Variants in CACNA1C observed in about 807,000 individuals in gnomAD.
The protein encoded by CACNA1C is voltage-dependent L-type calcium channel subunit alpha-1C.
Under a neutral mutation model 229.0 loss-of-function variants are expected in CACNA1C, and 30 were observed. The ratio of observed to expected loss-of-function variants is 0.13; its 90% CI spans 0.10 to 0.18. CACNA1C has a LOEUF of 0.18. Ranked by LOEUF, CACNA1C falls within the 10% of genes least tolerant of loss-of-function variation. The probability of loss-of-function intolerance (pLI) is 1.00; values close to 1 mark genes in which losing one functional copy is unlikely to be tolerated. For missense variants in CACNA1C, 1,658 were observed against 2,845.0 expected, an observed-to-expected ratio of 0.58 and a Z score of 9.49; for synonymous variants, 1,114 against 1,132.5, an observed-to-expected ratio of 0.98 and a Z score of 0.33.
chr12:2,074,366 T>C (rs2062415892), intron 1 of CACNA1C, among the ~76,000 whole-genome samples: 1 of 152,196 alleles, frequency 6.6e-6, no homozygotes, highest in South Asian at 2.1e-4. Context: ...AAACATCTCA[T>C]GCATGTTGTC....
At chr12:2,320,390 G>A (rs933339939) in intron 3 of CACNA1C, among the ~76,000 whole-genome samples, 2 of 152,238 alleles carry the variant, frequency 1.3e-5, no homozygotes, top group Non-Finnish European at 2.9e-5. Context: ...AAAGTAAGCA[G>A]AACCCAAATA....
At chr12:2,550,900 C>T (rs990554175) in intron 10 of CACNA1C, among the ~76,000 whole-genome samples, 12 of 152,168 alleles carry the variant, frequency 7.9e-5, no homozygotes, top group African/African-American at 2.7e-4. Flanking sequence ...TTCCAGGGAG[C>T]GTGGAGCTTC....
chr12:1,991,516 T>C (rs1593215328), intron 1 of CACNA1C: 1 of 241,766 alleles, frequency 4.1e-6, no homozygotes, highest in East Asian at 1.1e-4. Context: ...TTTCAACATG[T>C]TAATATAAAA....
chr12:2,576,506 T>C (rs1025181626), intron 13 of CACNA1C, among the ~76,000 whole-genome samples: 1 of 152,232 alleles, frequency 6.6e-6, no homozygotes, highest in African/African-American at 2.4e-5. Context: ...TCCAAAGCTC[T>C]TGCCTTTTTG....
chr12:2,385,471 C>G (rs1303196309), intron 3 of CACNA1C, among the ~76,000 whole-genome samples: 1 of 152,206 alleles, frequency 6.6e-6, no homozygotes, highest in East Asian at 1.9e-4. Context: ...ACCTTATCCA[C>G]TTAGCACCCC....
At chr12:2,231,179 CA>C (rs2065005357) in intron 3 of CACNA1C, among the ~76,000 whole-genome samples, 1 of 152,174 alleles carries the variant, frequency 6.6e-6, no homozygotes, top group Non-Finnish European at 1.5e-5. Flanking sequence ...ATGTATATGT[CA>C]TCCCTCTTCC....
chr12:2,321,568 A>G (rs1252074164), intron 3 of CACNA1C, among the ~76,000 whole-genome samples: 3 of 152,172 alleles, frequency 2.0e-5, no homozygotes, highest in African/African-American at 4.8e-5. Context: ...TACAGCTTGC[A>G]TTTAGTGGCA....
chr12:2,311,340 T>C (rs2095427276), intron 3 of CACNA1C, among the ~76,000 whole-genome samples: 1 of 152,224 alleles, frequency 6.6e-6, no homozygotes, highest in Non-Finnish European at 1.5e-5. Context: ...GCAAGACGTG[T>C]GCTGGAATTA....
Position 2,691,526 on chromosome 12 carries a change from G to A in CACNA1C, c.*327G>A. 3.5e-6 allele frequency: 1 copy of A among 288,592 alleles called. No individual in the cohort carries two copies. Among genetic ancestry groups the A allele is most frequent in the Non-Finnish European group, 6.4e-6 (1 of 156,778 alleles). The allele number at this position is 288,592 out of a possible 1,614,324, so 17.9% of individuals were successfully genotyped here. On this transcript the variant is annotated 3_prime_UTR_variant, in exon 47 of 47. Coordinates refer to ENST00000399655, the MANE Select transcript of CACNA1C (RefSeq NM_000719.7). ...GCTTCCCGCGCGCCCTCACCAAAAGGACCCTACAGCAAACGGGTGTCTTTC... is the reference window on the plus strand; with the variant it reads ...GCTTCCCGCGCGCCCTCACCAAAAGAACCCTACAGCAAACGGGTGTCTTTC...
chr12:2,658,724 A>C (rs1245153072), intron 34 of CACNA1C, among the ~76,000 whole-genome samples: 1 of 152,138 alleles, frequency 6.6e-6, no homozygotes, highest in Non-Finnish European at 1.5e-5. Flanking sequence ...AGCTCCATGC[A>C]TGTTAGTGCC....
At chr12:2,500,124 T>A (rs1033118014) in intron 7 of CACNA1C, among the ~76,000 whole-genome samples, 2 of 152,180 alleles carry the variant, frequency 1.3e-5, no homozygotes, top group East Asian at 3.9e-4. Flanking sequence ...ATCTCTCATC[T>A]GTCCTCCTGC....
chr12:2,342,813 G>A (rs2096903169), intron 3 of CACNA1C, among the ~76,000 whole-genome samples: 1 of 152,192 alleles, frequency 6.6e-6, no homozygotes, highest in Admixed American at 6.5e-5. Flanking sequence ...TGTTGTCTTT[G>A]TGAGCCCTTG....
chr12:2,113,783 G>A (rs1207698531), intron 1 of CACNA1C, among the ~76,000 whole-genome samples: 2 of 152,198 alleles, frequency 1.3e-5, no homozygotes, highest in African/African-American at 4.8e-5. Flanking sequence ...TGATCGCTTG[G>A]CAAACCTTAC....
chr12:2,090,044 A>C (rs1466958951), intron 1 of CACNA1C, among the ~76,000 whole-genome samples: 3 of 152,022 alleles, frequency 2.0e-5, no homozygotes, highest in Non-Finnish European at 4.4e-5. Context: ...AAAAAAAAGA[A>C]ATGAAAAATT....
chr12:1,991,798 T>A (rs1393578080), intron 1 of CACNA1C: 1 of 155,222 alleles, frequency 6.4e-6, no homozygotes, highest in African/African-American at 2.4e-5. Flanking sequence ...TGTTTTTATA[T>A]TTTTGGTATA....
intron 3 of CACNA1C, among the ~76,000 whole-genome samples, chr12:2,183,585 C>T (rs941131022): frequency 1.3e-5 from 2 of 152,204 alleles, no homozygotes; most frequent in African/African-American, 2.4e-5. Flanking sequence ...GACCCCCCCC[C>T]GGCTTTCATC....
At chr12:2,322,296 G>C (rs2154496285) in intron 3 of CACNA1C, among the ~76,000 whole-genome samples, 1 of 152,306 alleles carries the variant, frequency 6.6e-6, no homozygotes, top group East Asian at 1.9e-4. Context: ...TATTTTCAAT[G>C]AATGTAGTAA....
At chr12:2,272,749 A>T (rs1459374653) in intron 3 of CACNA1C, among the ~76,000 whole-genome samples, 1 of 152,224 alleles carries the variant, frequency 6.6e-6, no homozygotes, top group Non-Finnish European at 1.5e-5. Flanking sequence ...GGCTGTGGCC[A>T]CTGCCTGGGA....
At chr12:2,583,049 C>A in intron 15 of CACNA1C, 107 bp downstream of exon 15, 1 of 766,512 alleles carries the variant, frequency 1.3e-6, no homozygotes, top group Non-Finnish European at 2.2e-6. Context: ...CTCGGGCTCA[C>A]ACCACCCAGC....
Sources: gnomAD v4.1 joint callset for allele counts (sites outside exome capture counted in the v4.1 genomes callset) on GRCh38, gnomAD v4.1.1 for gene constraint, MANE v1.5 for transcripts, NCBI Gene and HGNC (gene_info 2026-07-23, HGNC 2026-07-21) for gene names.